IGF1: variants seen among roughly 807,000 people sequenced by gnomAD.
The protein encoded by IGF1 is insulin-like growth factor 1.
In IGF1, 4 loss-of-function variants were observed where a neutral mutation model predicts 13.8. The ratio of observed to expected loss-of-function variants is 0.29; its 90% CI spans 0.14 to 0.66. The LOEUF (loss-of-function observed/expected upper bound fraction) is 0.66. Among genes scored for constraint, IGF1 ranks in the 30% least tolerant of loss-of-function variants. IGF1 has a pLI of 0.78. For missense variants in IGF1, 124 were observed against 188.5 expected (o/e 0.66, Z 2.00); for synonymous variants, 76 against 72.6 (o/e 1.05, Z -0.23).
At chr12:102,460,426 T>C (rs1446197871) in intron 2 of IGF1, among the ~76,000 whole-genome samples, 1 of 152,140 alleles carries the variant, frequency 6.6e-6, no homozygotes, top group Non-Finnish European at 1.5e-5. Flanking sequence ...CCTGCAGTTG[T>C]ATGATTGGAA....
intron 2 of IGF1, among the ~76,000 whole-genome samples, chr12:102,460,396 C>T (rs1879803023): frequency 6.6e-6 from 1 of 152,172 alleles, no homozygotes; most frequent in Non-Finnish European, 1.5e-5. Flanking sequence ...TAGGGGAGAA[C>T]TATTCCCATC....
At chr12:102,468,933 A>G (rs1195274587) in intron 2 of IGF1, among the ~76,000 whole-genome samples, 3 of 152,184 alleles carry the variant, frequency 2.0e-5, no homozygotes, top group African/African-American at 7.2e-5. Flanking sequence ...TGCTGAAGAG[A>G]TGAAGTCAGC....
Position 102,397,771 on chromosome 12 carries a change from A to G in IGF1, c.*4736T>C, listed in dbSNP as rs1254792314. On this transcript the variant is annotated 3_prime_UTR_variant, in exon 4 of 4. Transcript: ENST00000337514. ...CTTCTGTTTTAAAATAAATGATGCC[A>G]TTGCATAAATCAGATTTATCTTTTG... 1 of 152,236 alleles carries G rather than the reference A, an allele frequency of 6.6e-6. No individual in the cohort carries two copies. Among genetic ancestry groups the G allele is most frequent in the Non-Finnish European group, 1.5e-5 (1 of 68,026 alleles). The allele number at this position is 152,236 out of a possible 1,614,324, so 9.4% of individuals were successfully genotyped here. A position where few individuals can be genotyped will look rare whatever the true frequency, so the allele number is the denominator to read the frequency against.
chr12:102,421,592 G>A (rs1875725577), intron 2 of IGF1, among the ~76,000 whole-genome samples: 2 of 152,172 alleles, frequency 1.3e-5, no homozygotes, highest in African/African-American at 4.8e-5. Context: ...GGTAATGATT[G>A]CCCTTTGTTG....
In IGF1 at chr12:102,458,494, TCC is replaced by T. The variant is rs1879616676; in HGVS notation, c.220+17147_220+17148del. 3.9e-5 allele frequency among the ~76,000 whole-genome samples: 6 copies of T among 152,164 alleles called. No individual in the cohort carries two copies. The South Asian group carries it at 1.2e-3, about 32-fold the overall frequency. On this transcript the variant is annotated intron_variant, in intron 2 of 3. Coordinates refer to ENST00000337514, the MANE Select transcript of IGF1 (RefSeq NM_000618.5). ...CTCTGTACTTGAAAATACCGAAAAG[TCC>T]ATGGAGGCCTTCCGACTCAGCCATG...
chr12:102,448,449 A>G (rs1332463410), intron 2 of IGF1, among the ~76,000 whole-genome samples: 13 of 147,036 alleles, frequency 8.8e-5, no homozygotes, highest in Non-Finnish European at 4.5e-5. Context: ...ACAAAAAACC[A>G]AACACCGCAT....
chr12:102,423,109 G>T (rs2137016288), intron 2 of IGF1: 1 of 152,146 alleles, frequency 6.6e-6, no homozygotes, highest in Non-Finnish European at 1.5e-5. Flanking sequence ...GAGAAAACTG[G>T]CTTGGGCCCA....
chr12:102,468,855 G>A (rs764180553), intron 2 of IGF1, among the ~76,000 whole-genome samples: 2 of 152,222 alleles, frequency 1.3e-5, no homozygotes, highest in Admixed American at 6.5e-5. Context: ...ATCTCCTTGG[G>A]AGAGACCTTG....
intron 3 of IGF1, among the ~76,000 whole-genome samples, chr12:102,411,642 C>T (rs1389594389): frequency 6.6e-6 from 1 of 152,194 alleles, no homozygotes; most frequent in Non-Finnish European, 1.5e-5. Flanking sequence ...TGCCATCATA[C>T]TCAGCTTTTC....
At chr12:102,443,629 T>C (rs1878056654) in intron 2 of IGF1, among the ~76,000 whole-genome samples, 2 of 152,084 alleles carry the variant, frequency 1.3e-5, no homozygotes, top group Non-Finnish European at 2.9e-5. Context: ...TCCTCTTGAA[T>C]GAACAAAACA....
intron 2 of IGF1, among the ~76,000 whole-genome samples, chr12:102,460,645 G>A (rs989952179): frequency 1.8e-4 from 27 of 152,154 alleles, no homozygotes; most frequent in African/African-American, 3.1e-4. Flanking sequence ...CTCCATATCC[G>A]TCAGATTTCT....
At chr12:102,479,384 C>T (rs1881268856) in intron 1 of IGF1, among the ~76,000 whole-genome samples, 1 of 151,914 alleles carries the variant, frequency 6.6e-6, no homozygotes, top group Non-Finnish European at 1.5e-5. Context: ...CCAGTGACAG[C>T]AGCTTAAAAG....
chr12:102,449,957 C>T (rs2137141795), intron 2 of IGF1, among the ~76,000 whole-genome samples: 1 of 152,172 alleles, frequency 6.6e-6, no homozygotes, highest in African/African-American at 2.4e-5. Context: ...TCGTCTCATC[C>T]AGTAGCATAG....
At chr12:102,426,804 A>G (rs905140442) in intron 2 of IGF1, among the ~76,000 whole-genome samples, 7 of 152,222 alleles carry the variant, frequency 4.6e-5, no homozygotes, top group African/African-American at 1.7e-4. Context: ...TGGTTTCCCA[A>G]TCACTTTCAC....
Position 102,399,630 on chromosome 12 carries a change from G to T in IGF1, c.*2877C>A, listed in dbSNP as rs1330945962. On this transcript the variant is annotated 3_prime_UTR_variant, in exon 4 of 4. Transcript: ENST00000337514. ...TTATTTTCAATTTATTTATAATCCA[G>T]TTGGAGAGGATTATGTGTTGGAAAA... 6.6e-6 allele frequency: 1 copy of T among 152,138 alleles called. No individual in the cohort carries two copies. Among genetic ancestry groups the T allele is most frequent in the Non-Finnish European group, 1.5e-5 (1 of 68,012 alleles). 9.4% of individuals were successfully genotyped at this position (152,138 alleles called of 1,614,324 possible).
At chr12:102,444,526 CAA>C (rs891576502) in intron 2 of IGF1, among the ~76,000 whole-genome samples, 1 of 152,008 alleles carries the variant, frequency 6.6e-6, no homozygotes, top group African/African-American at 2.4e-5. Context: ...GTTCATTCAA[CAA>C]AGTTATTTAC....
At chr12:102,477,478 C>T (rs978967510) in intron 1 of IGF1, among the ~76,000 whole-genome samples, 1 of 151,780 alleles carries the variant, frequency 6.6e-6, no homozygotes, top group African/African-American at 2.4e-5. Flanking sequence ...AAATCTTCCA[C>T]CCCCTACATA....
upstream of IGF1, chr12:102,480,717 C>G (rs542480737): frequency 1.6e-6 from 1 of 628,454 alleles, no homozygotes; most frequent in South Asian, 2.6e-5. Context: ...TAACATCATA[C>G]CTTTGCATTT....
chr12:102,471,979 T>C (rs771197153), intron 2 of IGF1, among the ~76,000 whole-genome samples: 1 of 152,172 alleles, frequency 6.6e-6, no homozygotes, highest in Non-Finnish European at 1.5e-5. Context: ...CTTTTTCTCT[T>C]GGTGTTTTTC....
Sources: gnomAD v4.1 joint callset for allele counts (sites outside exome capture counted in the v4.1 genomes callset) on GRCh38, gnomAD v4.1.1 for gene constraint, MANE v1.5 for transcripts, NCBI Gene and HGNC (gene_info 2026-07-23, HGNC 2026-07-21) for gene names.